The following CNTNAP2 variants were observed in gnomAD, a reference collection of about 807,000 sequenced individuals.
CNTNAP2 encodes the protein contactin-associated protein-like 2.
CNTNAP2 carries 98 observed loss-of-function variants against 155.2 expected under a neutral mutation model. The ratio of observed to expected loss-of-function variants is 0.63; its 90% CI spans 0.54 to 0.75. The LOEUF (loss-of-function observed/expected upper bound fraction) is 0.75. Ranked by LOEUF, CNTNAP2 falls within the 30% of genes least tolerant of loss-of-function variation. The pLI, the probability that CNTNAP2 is intolerant of heterozygous loss-of-function variation, is 0.00. For synonymous variants in CNTNAP2, 651 were observed against 631.2 expected (o/e 1.03, Z -0.47); for missense variants, 1,727 against 1,688.1 (o/e 1.02, Z -0.40).
intron 9 of CNTNAP2, among the ~76,000 whole-genome samples, chr7:147,326,271 C>T (rs1795457345): frequency 1.3e-5 from 2 of 152,156 alleles, no homozygotes; most frequent in Non-Finnish European, 1.5e-5. Context: ...TTCTAGGTAC[C>T]TTATATGAGT....
chr7:147,527,122 A>T, intron 11 of CNTNAP2, among the ~76,000 whole-genome samples: 1 of 137,948 alleles, frequency 7.2e-6, no homozygotes, highest in South Asian at 2.2e-4. Flanking sequence ...TCCTGGGTTC[A>T]CACCATTCTT....
At chr7:146,492,240 G>GGAGA (rs754327611) in intron 1 of CNTNAP2, among the ~76,000 whole-genome samples, 4 of 139,004 alleles carry the variant, frequency 2.9e-5, no homozygotes, top group African/African-American at 1.1e-4. Context: ...AGAGAGAGGG[G>GGAGA]GAGAGAGAGA....
intron 3 of CNTNAP2, among the ~76,000 whole-genome samples, chr7:146,945,916 T>A (rs1157524669): frequency 6.6e-6 from 1 of 152,132 alleles, no homozygotes; most frequent in Non-Finnish European, 1.5e-5. Flanking sequence ...CTAAAACTAC[T>A]TCGCCGTTGT....
chr7:148,308,941 G>A (rs1367601608), intron 21 of CNTNAP2, among the ~76,000 whole-genome samples: 1 of 152,194 alleles, frequency 6.6e-6, no homozygotes, highest in African/African-American at 2.4e-5. Flanking sequence ...GTTCCATGGT[G>A]TATATGTGCC....
At chr7:147,663,709 C>T (rs569809682) in intron 13 of CNTNAP2, among the ~76,000 whole-genome samples, 2 of 152,262 alleles carry the variant, frequency 1.3e-5, no homozygotes, top group Admixed American at 6.5e-5. Context: ...TGCAGTTTAG[C>T]TTTTGTGTAA....
At chr7:147,719,198 A>G (rs193247286) in intron 13 of CNTNAP2, among the ~76,000 whole-genome samples, 27 of 152,238 alleles carry the variant, frequency 1.8e-4, no homozygotes, top group African/African-American at 6.5e-4. Flanking sequence ...TTTGTTGCAG[A>G]AGCTGGGTAC....
At chr7:146,949,696 C>T (rs1797268625) in intron 3 of CNTNAP2, among the ~76,000 whole-genome samples, 1 of 152,144 alleles carries the variant, frequency 6.6e-6, no homozygotes, top group African/African-American at 2.4e-5. Context: ...CTTCAAGCCT[C>T]GTTTTCCTAA....
chr7:148,243,320 C>T (rs1233347938), intron 20 of CNTNAP2, among the ~76,000 whole-genome samples: 2 of 152,168 alleles, frequency 1.3e-5, no homozygotes, highest in Non-Finnish European at 2.9e-5. Context: ...GGGGCAGTAG[C>T]CTCCAACATC....
intron 13 of CNTNAP2, among the ~76,000 whole-genome samples, chr7:147,837,783 A>G (rs1341076643): frequency 6.6e-6 from 1 of 152,200 alleles, no homozygotes; most frequent in Non-Finnish European, 1.5e-5. Context: ...TAAAGCTCCA[A>G]AAGATCTCCT....
At chr7:147,970,573 G>A (rs1276059219) in intron 14 of CNTNAP2, among the ~76,000 whole-genome samples, 2 of 151,974 alleles carry the variant, frequency 1.3e-5, no homozygotes, top group East Asian at 1.9e-4. Context: ...AAAAAAAGAT[G>A]GAGAAAAGAG....
In CNTNAP2 at chr7:148,172,470, G is replaced by A. The variant is rs1271534719; in HGVS notation, c.3002G>A (p.Cys1001Tyr). The change falls in exon 18 of 24, where the codon TGC becomes TAC. Residue 1001 changes from cysteine (C) to tyrosine (Y), a missense_variant. Transcript: ENST00000361727. ...AATACTGCATATGATGGAACATTTTGCAACAAAGGTAAGGTGGAACCCATT... is the reference window on the plus strand; with the variant it reads ...AATACTGCATATGATGGAACATTTTACAACAAAGGTAAGGTGGAACCCATT... ...CSNTAYDGTF[C>Y]NKDVGAFFEE... 2 of 1,614,064 alleles carry A rather than the reference G, an allele frequency of 1.2e-6. No homozygotes were observed. Among genetic ancestry groups the A allele is most frequent in the African/African-American group, 2.7e-5 (2 of 75,024 alleles).
chr7:146,262,027 T>A (rs1050967881), intron 1 of CNTNAP2, among the ~76,000 whole-genome samples: 1 of 152,188 alleles, frequency 6.6e-6, no homozygotes, highest in Non-Finnish European at 1.5e-5. Context: ...GTTTCTTTTA[T>A]TGTTCTGCTT....
At chr7:147,144,712 A>C (rs924993462) in intron 8 of CNTNAP2, among the ~76,000 whole-genome samples, 1 of 152,214 alleles carries the variant, frequency 6.6e-6, no homozygotes, top group Non-Finnish European at 1.5e-5. Context: ...AGGGTGTTCT[A>C]TATGTATTGT....
intron 21 of CNTNAP2, among the ~76,000 whole-genome samples, chr7:148,281,136 A>G (rs1796968315): frequency 6.6e-6 from 1 of 152,184 alleles, no homozygotes; most frequent in South Asian, 2.1e-4. Flanking sequence ...GCTAGCCAGT[A>G]GAGATTAGGA....
At chr7:147,305,662 C>G (rs564693869) in intron 9 of CNTNAP2, among the ~76,000 whole-genome samples, 4 of 152,278 alleles carry the variant, frequency 2.6e-5, no homozygotes, top group African/African-American at 9.6e-5. Context: ...ATAAGTTAGA[C>G]AATGTGTCAT....
chr7:148,351,667 C>T (rs1798427622), intron 21 of CNTNAP2, among the ~76,000 whole-genome samples: 1 of 141,994 alleles, frequency 7.0e-6, no homozygotes, highest in Non-Finnish European at 1.5e-5. Flanking sequence ...CACTTGAACC[C>T]AGGAGCCGGA....
At chr7:147,349,542 G>GA (rs980115564) in intron 9 of CNTNAP2, among the ~76,000 whole-genome samples, 27 of 151,734 alleles carry the variant, frequency 1.8e-4, no homozygotes, top group East Asian at 7.7e-4. Flanking sequence ...AAGATAGATA[G>GA]AAAAAAATAT....
chr7:147,068,206 A>G (rs528980325), intron 4 of CNTNAP2, among the ~76,000 whole-genome samples: 2 of 152,328 alleles, frequency 1.3e-5, no homozygotes, highest in South Asian at 2.1e-4. Flanking sequence ...CCTAAAATCA[A>G]CTAATTGGAG....
chr7:147,779,337 G>T (rs1406076084), intron 13 of CNTNAP2, among the ~76,000 whole-genome samples: 4 of 152,254 alleles, frequency 2.6e-5, no homozygotes, highest in African/African-American at 9.6e-5. Flanking sequence ...TAAGATTTTT[G>T]ATGAAAATGT....
Sources: allele counts gnomAD v4.1 joint callset (sites outside exome capture counted in the v4.1 genomes callset), GRCh38; gene constraint gnomAD v4.1.1; transcripts MANE v1.5; gene names NCBI Gene and HGNC (gene_info 2026-07-23, HGNC 2026-07-21).